Variants in SPAG16 observed in about 807,000 individuals in gnomAD.
SPAG16 encodes the protein sperm associated antigen 16, also known as sperm-associated antigen 16 protein.
SPAG16 carries 86 observed loss-of-function variants against 80.4 expected under a neutral mutation model. The ratio of observed to expected loss-of-function variants is 1.07; its 90% confidence interval spans 0.90 to 1.28. SPAG16 has a LOEUF of 1.28. Among genes scored for constraint, SPAG16 ranks in the 50% most tolerant of loss-of-function variants. The pLI, the probability that SPAG16 is intolerant of heterozygous loss-of-function variation, is 0.00. For missense variants in SPAG16, 870 were observed against 765.3 expected, an observed-to-expected ratio of 1.14 and a Z score of -1.61; for synonymous variants, 294 against 265.9, an observed-to-expected ratio of 1.11 and a Z score of -1.03.
rs1559280347 is a variant in SPAG16, at chr2:214,410,165, CA to C, written c.1748del (p.Asn583MetfsTer7). 22 of 1,613,920 alleles carry C rather than the reference CA, an allele frequency of 1.4e-5. No individual in the cohort carries two copies. Among genetic ancestry groups the C allele is most frequent in the Non-Finnish European group, 1.9e-5 (22 of 1,179,824 alleles). On this transcript the variant is annotated frameshift_variant, in exon 16 of 16. Coordinates refer to ENST00000331683, the MANE Select transcript of SPAG16 (RefSeq NM_024532.5). LOFTEE classifies it high-confidence loss of function. The stretch of plus-strand genomic sequence containing the variant: ...GTCGAGTTTTAGCTCAGGCAAGTGG[CA>C]ATGGTGTTATCCATTTGCTAGATCT... Reference protein sequence around the residue: ...SGRVLAQASGNGVIHLLDLKS... With the variant: ...SGRVLAQASGXGVIHLLDLKS...
At chr2:214,225,643 A>G (rs2125786861) in intron 15 of SPAG16, among the ~76,000 whole-genome samples, 1 of 152,238 alleles carries the variant, frequency 6.6e-6, no homozygotes, top group East Asian at 1.9e-4. Context: ...TATTTCATAT[A>G]TTTTTCATTG....
intron 15 of SPAG16, among the ~76,000 whole-genome samples, chr2:214,282,422 T>C (rs1693022113): frequency 6.6e-6 from 1 of 152,122 alleles, no homozygotes; most frequent in Admixed American, 6.6e-5. Context: ...CAATTCAGTA[T>C]TTCCTAAGAT....
At chr2:213,943,957 G>A (rs2079326289) in intron 12 of SPAG16, among the ~76,000 whole-genome samples, 1 of 152,176 alleles carries the variant, frequency 6.6e-6, no homozygotes, top group Non-Finnish European at 1.5e-5. Context: ...AGACACTACA[G>A]CACTGGACCA....
chr2:213,338,840 C>CCA (rs967613328), intron 5 of SPAG16, among the ~76,000 whole-genome samples: 1 of 152,058 alleles, frequency 6.6e-6, no homozygotes, highest in African/African-American at 2.4e-5. Flanking sequence ...GGAAAGGGAA[C>CCA]CACACACACT....
chr2:214,088,191 A>G (rs2051912269), intron 13 of SPAG16, among the ~76,000 whole-genome samples: 1 of 152,112 alleles, frequency 6.6e-6, no homozygotes, highest in Non-Finnish European at 1.5e-5. Context: ...CATTGTGCAA[A>G]GGAACAAAAA....
intron 3 of SPAG16, among the ~76,000 whole-genome samples, chr2:213,299,034 A>G (rs1026314533): frequency 6.6e-6 from 1 of 152,120 alleles, no homozygotes; most frequent in Non-Finnish European, 1.5e-5. Context: ...TTTAAAGAAT[A>G]CTTATTGCTT....
chr2:213,587,152 G>A (rs908012710), intron 10 of SPAG16, among the ~76,000 whole-genome samples: 2 of 152,164 alleles, frequency 1.3e-5, no homozygotes, highest in African/African-American at 4.8e-5. Context: ...CTAGTGGAAT[G>A]TCTCTGTGGA....
rs1386329081 is a variant in SPAG16, at chr2:214,014,083, C to A, written c.1527+6C>A. Reference sequence around the variant, plus strand: ...CTATATGGGATGCAAGAACAGTAAGCAAATCATTCACTTTTTTTCCCAGCT... The same window carrying A: ...CTATATGGGATGCAAGAACAGTAAGAAAATCATTCACTTTTTTTCCCAGCT... On this transcript the variant is annotated splice_donor_region_variant and intron_variant, in intron 13 of 15. Transcript: ENST00000331683. 3 of 1,611,482 alleles carry A rather than the reference C, an allele frequency of 1.9e-6. No homozygotes were observed. Among genetic ancestry groups the A allele is most frequent in the African/African-American group, 2.7e-5 (2 of 74,866 alleles).
intron 15 of SPAG16, among the ~76,000 whole-genome samples, chr2:214,186,400 A>G (rs918438060): frequency 2.0e-5 from 3 of 152,150 alleles, no homozygotes; most frequent in African/African-American, 7.2e-5. Context: ...GGGCAGGGGC[A>G]GGAGAGAGGG....
intron 13 of SPAG16, among the ~76,000 whole-genome samples, chr2:214,042,939 C>A (rs1053820720): frequency 1.3e-5 from 2 of 152,038 alleles, no homozygotes; most frequent in Non-Finnish European, 2.9e-5. Context: ...ACAGAAGAAT[C>A]TCTTGAGGAC....
At chr2:213,353,513 A>G (rs904613044) in intron 7 of SPAG16, among the ~76,000 whole-genome samples, 10 of 152,160 alleles carry the variant, frequency 6.6e-5, no homozygotes, top group African/African-American at 1.7e-4. Context: ...GGGGTTGTCA[A>G]TTTTCCTAGG....
At chr2:214,283,208 T>C (rs1485179155) in intron 15 of SPAG16, among the ~76,000 whole-genome samples, 1 of 152,176 alleles carries the variant, frequency 6.6e-6, no homozygotes, top group Non-Finnish European at 1.5e-5. Context: ...TTGTTTATCT[T>C]GCCTGCATCA....
At chr2:213,803,578 C>G (rs1354546385) in intron 10 of SPAG16, among the ~76,000 whole-genome samples, 1 of 152,094 alleles carries the variant, frequency 6.6e-6, no homozygotes, top group Non-Finnish European at 1.5e-5. Flanking sequence ...GAAAACAAAA[C>G]AAAGCAAAAT....
At chr2:213,289,536 G>A (rs1458768621) in intron 1 of SPAG16, among the ~76,000 whole-genome samples, 2 of 152,100 alleles carry the variant, frequency 1.3e-5, no homozygotes, top group African/African-American at 4.8e-5. Flanking sequence ...TTGGCAAAAG[G>A]GAATGTGACC....
intron 10 of SPAG16, among the ~76,000 whole-genome samples, chr2:213,609,147 C>T (rs1250122709): frequency 6.6e-6 from 1 of 152,206 alleles, no homozygotes; most frequent in Non-Finnish European, 1.5e-5. Flanking sequence ...AATGAAGAGC[C>T]TGAACATTAT....
chr2:213,790,046 A>C (rs1051500366), intron 10 of SPAG16, among the ~76,000 whole-genome samples: 1 of 151,820 alleles, frequency 6.6e-6, no homozygotes, highest in Non-Finnish European at 1.5e-5. Context: ...GTATTATTCA[A>C]CTTGATTATT....
chr2:213,466,348 G>C (rs1240236830), intron 9 of SPAG16, among the ~76,000 whole-genome samples: 1 of 152,182 alleles, frequency 6.6e-6, no homozygotes, highest in African/African-American at 2.4e-5. Context: ...GGAAGACTAA[G>C]GGCTTGTGCC....
At chr2:213,815,243 A>G (rs1372397827) in intron 10 of SPAG16, among the ~76,000 whole-genome samples, 1 of 152,156 alleles carries the variant, frequency 6.6e-6, no homozygotes. Context: ...GCTACATACT[A>G]TATGATTTCA....
intron 15 of SPAG16, among the ~76,000 whole-genome samples, chr2:214,302,890 C>A (rs879509077): frequency 1.1e-4 from 16 of 152,056 alleles, no homozygotes; most frequent in Non-Finnish European, 2.2e-4. Flanking sequence ...GCTTCTTTGT[C>A]TTTTATTACT....
Sources: allele counts gnomAD v4.1 joint callset (sites outside exome capture counted in the v4.1 genomes callset), GRCh38; gene constraint gnomAD v4.1.1; transcripts MANE v1.5; gene names NCBI Gene and HGNC (gene_info 2026-07-23, HGNC 2026-07-21).